Variants in PARVA observed in about 807,000 individuals in gnomAD.
PARVA encodes parvin alpha, also known as alpha-parvin.
In PARVA, 25 loss-of-function variants were observed where a neutral mutation model predicts 52.6. That is an observed-to-expected ratio of 0.48 (90% CI 0.35 to 0.66). The LOEUF (loss-of-function observed/expected upper bound fraction) is 0.66. Ranked by LOEUF, PARVA falls within the 30% of genes least tolerant of loss-of-function variation. The pLI, the probability that PARVA is intolerant of heterozygous loss-of-function variation, is 0.01. For synonymous variants in PARVA, 185 were observed against 179.1 expected, an observed-to-expected ratio of 1.03 and a Z score of -0.26; for missense variants, 373 against 450.9, an observed-to-expected ratio of 0.83 and a Z score of 1.56.
intron 4 of PARVA, among the ~76,000 whole-genome samples, chr11:12,483,686 G>C (rs961818179): frequency 1.3e-5 from 2 of 152,184 alleles, no homozygotes; most frequent in African/African-American, 4.8e-5. Flanking sequence ...GTGGGCCAAG[G>C]AGCTGGGGGA....
intron 8 of PARVA, chr11:12,513,095 A>G (rs1267387274): frequency 7.2e-6 from 5 of 691,210 alleles, no homozygotes; most frequent in South Asian, 5.9e-5. Flanking sequence ...GCACGGACAC[A>G]GACACAGGCT....
chr11:12,377,128 A>C, upstream of PARVA: 1 of 188,592 alleles, frequency 5.3e-6, no homozygotes. Context: ...GTTCACTGCA[A>C]TAATTTCTTC....
intron 1 of PARVA, among the ~76,000 whole-genome samples, chr11:12,394,451 G>A (rs1471569266): frequency 2.6e-5 from 4 of 152,164 alleles, no homozygotes; most frequent in Non-Finnish European, 5.9e-5. Context: ...TGAGAATGAT[G>A]TTTTGGTTAT....
chr11:12,407,914 AAC>A (rs1939936951), intron 1 of PARVA, among the ~76,000 whole-genome samples: 1 of 152,172 alleles, frequency 6.6e-6, no homozygotes, highest in Admixed American at 6.5e-5. Flanking sequence ...ATCTTCCTAA[AAC>A]ACAGGCTTCT....
Position 12,516,265 on chromosome 11 carries a change from A to T in PARVA, c.868-1345A>T, listed in dbSNP as rs529557146. ...GACTCTGGGCTCCTAAGGTGATTCC[A>T]AGAAATGTGGCCTTCTCTAAACCCC... On this transcript the variant is annotated intron_variant, in intron 10 of 12. Transcript: ENST00000334956. 2.0e-5 allele frequency among the ~76,000 whole-genome samples: 3 copies of T among 152,318 alleles called. No homozygotes were observed. In the East Asian group the frequency reaches 5.8e-4, roughly 29 times the overall value.
intron 1 of PARVA, among the ~76,000 whole-genome samples, chr11:12,389,724 CAG>C (rs1303227177): frequency 6.6e-6 from 1 of 152,128 alleles, no homozygotes; most frequent in Non-Finnish European, 1.5e-5. Flanking sequence ...GCTGATGCCT[CAG>C]GGGCTCAGTT....
At chr11:12,461,257 G>T (rs995394560) in intron 1 of PARVA, among the ~76,000 whole-genome samples, 2 of 152,178 alleles carry the variant, frequency 1.3e-5, no homozygotes, top group Non-Finnish European at 2.9e-5. Flanking sequence ...CACCCTGGCT[G>T]TCCTTGGTTT....
intron 1 of PARVA, among the ~76,000 whole-genome samples, chr11:12,411,963 G>A (rs1056295747): frequency 6.6e-6 from 1 of 152,064 alleles, no homozygotes; most frequent in African/African-American, 2.4e-5. Context: ...GAGGCATATC[G>A]ACTCATCCCC....
chr11:12,510,174 C>G (rs1941487892), intron 7 of PARVA, among the ~76,000 whole-genome samples: 1 of 152,122 alleles, frequency 6.6e-6, no homozygotes, highest in South Asian at 2.1e-4. Context: ...CCCTAAAACC[C>G]CACAGCCCAA....
chr11:12,482,244 C>T (rs1280651357), intron 4 of PARVA, among the ~76,000 whole-genome samples: 1 of 151,822 alleles, frequency 6.6e-6, no homozygotes, highest in East Asian at 1.9e-4. Flanking sequence ...GACCCAGAAC[C>T]TAGAGGCAGA....
At chr11:12,377,486 G>A, upstream of PARVA, 1 of 1,408,770 alleles carries the variant, frequency 7.1e-7, no homozygotes. Context: ...GGGAGCGAGG[G>A]AGGGAGCGAG....
intron 12 of PARVA, among the ~76,000 whole-genome samples, chr11:12,520,210 G>A (rs944632491): frequency 1.4e-4 from 22 of 152,192 alleles, no homozygotes; most frequent in African/African-American, 4.6e-4. Flanking sequence ...GGAAAAACAC[G>A]TGTTTTATTT....
At chr11:12,436,487 G>A (rs940565301) in intron 1 of PARVA, among the ~76,000 whole-genome samples, 7 of 152,148 alleles carry the variant, frequency 4.6e-5, no homozygotes, top group Non-Finnish European at 8.8e-5. Flanking sequence ...CCAGAGCAGA[G>A]GGACATGTGA....
At chr11:12,477,523 A>G (rs1357523755) in intron 3 of PARVA, among the ~76,000 whole-genome samples, 1 of 152,212 alleles carries the variant, frequency 6.6e-6, no homozygotes, top group Non-Finnish European at 1.5e-5. Flanking sequence ...GAAGGCCAGT[A>G]GGGCTCACAC....
intron 8 of PARVA, chr11:12,513,029 C>G (rs761007432): frequency 2.7e-4 from 166 of 623,258 alleles, no homozygotes; most frequent in Middle Eastern, 7.6e-4. Flanking sequence ...TGACTAATCC[C>G]GGGTCACACT....
intron 1 of PARVA, among the ~76,000 whole-genome samples, chr11:12,407,060 A>G (rs181372081): frequency 8.5e-5 from 13 of 152,290 alleles, no homozygotes; most frequent in Admixed American, 8.5e-4. Flanking sequence ...GAATATATTC[A>G]TTAGCCTGGA....
intron 10 of PARVA, among the ~76,000 whole-genome samples, chr11:12,516,204 G>T (rs1941565294): frequency 6.6e-6 from 1 of 152,216 alleles, no homozygotes; most frequent in Non-Finnish European, 1.5e-5. Flanking sequence ...TGAGCCGCAG[G>T]CCGGCTAGCT....
intron 1 of PARVA, among the ~76,000 whole-genome samples, chr11:12,463,976 C>CTTTTTTTTTTTTTTTTT (rs71037069): frequency 7.4e-6 from 1 of 135,544 alleles, no homozygotes; most frequent in Non-Finnish European, 1.5e-5. Context: ...GACATCCCTC[C>CTTTTTTTTTTTTTTTTT]TTTTTTTTTT....
At position 12,533,195 on chromosome 11, in the gene PARVA, A is replaced by T. The variant is rs1941794032; in HGVS notation, c.*5270A>T. ...GAGAAGAGCTAGGGGAACTGGACAG[A>T]GTGGACGAGGCTGCATGTGTGGAGG... On this transcript the variant is annotated 3_prime_UTR_variant, in exon 13 of 13. Coordinates refer to ENST00000334956, the MANE Select transcript of PARVA (RefSeq NM_018222.5). 1.3e-5 allele frequency among the ~76,000 whole-genome samples: 2 copies of T among 152,184 alleles called. No individual in the cohort carries two copies. The highest frequency in any genetic ancestry group is 4.1e-4 in the South Asian group (2 of 4,830).
Sources: allele counts gnomAD v4.1 joint callset (sites outside exome capture counted in the v4.1 genomes callset), GRCh38; gene constraint gnomAD v4.1.1; transcripts MANE v1.5; gene names NCBI Gene and HGNC (gene_info 2026-07-23, HGNC 2026-07-21).